Variants in RPS6KA5 observed in about 807,000 individuals in gnomAD.
RPS6KA5 encodes the protein ribosomal protein S6 kinase A5.
In RPS6KA5, 27 loss-of-function variants were observed where a neutral mutation model predicts 85.5. The ratio of observed to expected loss-of-function variants is 0.32; its 90% CI spans 0.23 to 0.44. The LOEUF (loss-of-function observed/expected upper bound fraction) is 0.44. Ranked by LOEUF, RPS6KA5 falls within the 20% of genes least tolerant of loss-of-function variation. RPS6KA5 has a pLI of 1.00. For synonymous variants in RPS6KA5, 334 were observed against 348.2 expected (o/e 0.96, Z 0.46); for missense variants, 811 against 980.9 (o/e 0.83, Z 2.31).
At chr14:91,055,310 C>A (rs2043268062) in intron 1 of RPS6KA5, among the ~76,000 whole-genome samples, 1 of 152,168 alleles carries the variant, frequency 6.6e-6, no homozygotes, top group Non-Finnish European at 1.5e-5. Flanking sequence ...AACATAGGTC[C>A]ACACAAAAAC....
At position 90,870,805 on chromosome 14, in the gene RPS6KA5, C is replaced by CTTTTT. The variant is rs78409439; in HGVS notation, c.*1264_*1268dup. ...ATATAACACACAAACCCTATCACTTCTTTTTTTTTTTTTTTTTTTTTTGCA... is the reference window on the plus strand; with the variant it reads ...ATATAACACACAAACCCTATCACTTCTTTTTTTTTTTTTTTTTTTTTTTTTTTGCA... On this transcript the variant is annotated 3_prime_UTR_variant, in exon 17 of 17. Transcript: ENST00000614987. The CTTTTT allele has an allele frequency of 2.7e-3, 229 of 85,650 alleles. No homozygotes were observed. Among genetic ancestry groups the CTTTTT allele is most frequent in the East Asian group, 4.6e-3 (13 of 2,816 alleles). The allele number at this position is 85,650 out of a possible 1,614,324, so 5.3% of individuals were successfully genotyped here.
At chr14:90,918,304 T>G (rs2036227415) in intron 7 of RPS6KA5, among the ~76,000 whole-genome samples, 1 of 152,202 alleles carries the variant, frequency 6.6e-6, no homozygotes, top group East Asian at 1.9e-4. Flanking sequence ...AGTCTTTTCA[T>G]GTGCTAATTT....
chr14:90,923,274 AG>A (rs1208505010), intron 5 of RPS6KA5, 78 bp from the exon 6 acceptor site: 2 of 1,133,208 alleles, frequency 1.8e-6, no homozygotes, highest in African/African-American at 1.5e-5. Context: ...AATACATGTT[AG>A]TGGTTGAGAT....
intron 1 of RPS6KA5, among the ~76,000 whole-genome samples, chr14:91,021,055 A>G (rs1026376479): frequency 6.6e-6 from 1 of 152,152 alleles, no homozygotes; most frequent in Admixed American, 6.5e-5. Flanking sequence ...TCCACTGTAT[A>G]GGTGGATAAA....
intron 14 of RPS6KA5, among the ~76,000 whole-genome samples, chr14:90,875,611 A>C (rs1319182630): frequency 3.9e-5 from 6 of 152,102 alleles, no homozygotes; most frequent in Non-Finnish European, 8.8e-5. Flanking sequence ...ACGTATGTTT[A>C]TTGCGGCACT....
intron 1 of RPS6KA5, among the ~76,000 whole-genome samples, chr14:91,018,072 A>C (rs1158444720): frequency 1.3e-5 from 2 of 152,190 alleles, no homozygotes; most frequent in Admixed American, 1.3e-4. Flanking sequence ...AGGCAGCAAT[A>C]CTAATGGCCC....
chr14:90,934,018 G>A (rs1315914021), intron 5 of RPS6KA5, among the ~76,000 whole-genome samples: 1 of 152,194 alleles, frequency 6.6e-6, no homozygotes, highest in Non-Finnish European at 1.5e-5. Context: ...ATTTCAAAGT[G>A]TAGCCTCTTC....
At chr14:90,995,033 T>TAGC (rs1275287164) in intron 2 of RPS6KA5, among the ~76,000 whole-genome samples, 1 of 152,116 alleles carries the variant, frequency 6.6e-6, no homozygotes, top group African/African-American at 2.4e-5. Flanking sequence ...CATACTTGCT[T>TAGC]GTGTGTGGTT....
intron 3 of RPS6KA5, among the ~76,000 whole-genome samples, chr14:90,961,037 C>G (rs2038769831): frequency 6.6e-6 from 1 of 152,168 alleles, no homozygotes; most frequent in Admixed American, 6.5e-5. Context: ...GGGCTCCCGA[C>G]AGACAAGAAT....
intron 4 of RPS6KA5, among the ~76,000 whole-genome samples, chr14:90,946,639 A>G (rs867065594): frequency 7.2e-5 from 11 of 152,164 alleles, no homozygotes; most frequent in African/African-American, 2.4e-4. Context: ...CCTGAATATA[A>G]CAGGACAAGG....
At chr14:90,883,179 A>G (rs1259833035) in intron 14 of RPS6KA5, among the ~76,000 whole-genome samples, 1 of 152,118 alleles carries the variant, frequency 6.6e-6, no homozygotes, top group Non-Finnish European at 1.5e-5. Flanking sequence ...CAAAATTGGA[A>G]AGTTTTCCAC....
At chr14:91,017,546 G>C (rs945078433) in intron 1 of RPS6KA5, among the ~76,000 whole-genome samples, 1 of 152,196 alleles carries the variant, frequency 6.6e-6, no homozygotes, top group Non-Finnish European at 1.5e-5. Flanking sequence ...CTCAGGTACA[G>C]CACCAGATGG....
intron 3 of RPS6KA5, among the ~76,000 whole-genome samples, chr14:90,961,953 T>C (rs2038819475): frequency 1.3e-5 from 2 of 152,238 alleles, no homozygotes; most frequent in African/African-American, 4.8e-5. Context: ...GCTACATTCA[T>C]GGTTCTTGCC....
chr14:90,939,276 C>T (rs1164357647), intron 5 of RPS6KA5, among the ~76,000 whole-genome samples: 2 of 152,154 alleles, frequency 1.3e-5, no homozygotes, highest in Non-Finnish European at 2.9e-5. Context: ...TTTCATTGTC[C>T]ATATCATTAT....
chr14:90,861,935 T>C lies in RPS6KA5; in HGVS notation c.*10139A>G, dbSNP rs1223199190. 2 of 147,160 alleles carry C rather than the reference T, an allele frequency of 1.4e-5. No individual in the cohort carries two copies. Among genetic ancestry groups the C allele is most frequent in the Non-Finnish European group, 3.0e-5 (2 of 66,928 alleles). The allele number at this position is 147,160 out of a possible 1,614,324, so 9.1% of individuals were successfully genotyped here. ...AGGGGAAAACAGATTTAAACTGTCA[T>C]AAAATTCCTGCATTGTTGGGAAGTG... On this transcript the variant is annotated 3_prime_UTR_variant, in exon 17 of 17. Coordinates refer to ENST00000614987, the MANE Select transcript of RPS6KA5 (RefSeq NM_004755.4).
chr14:91,052,182 T>C (rs2043108154), intron 1 of RPS6KA5: 1 of 298,750 alleles, frequency 3.3e-6, no homozygotes, highest in Non-Finnish European at 6.4e-6. Context: ...ATGCAGTGGC[T>C]CATGCCTGTA....
intron 1 of RPS6KA5, among the ~76,000 whole-genome samples, chr14:91,035,847 C>CAAAAAAAAAAAAAAAAAAAAA (rs199625173): frequency 2.9e-5 from 2 of 69,904 alleles, no homozygotes; most frequent in African/African-American, 1.3e-4. Flanking sequence ...CCCTCACCTT[C>CAAAAAAAAAAAAAAAAAAAAA]AAAAAAAAAA....
chr14:91,049,056 CTACAAA>C (rs1290848380), intron 1 of RPS6KA5, among the ~76,000 whole-genome samples: 1 of 152,146 alleles, frequency 6.6e-6, no homozygotes, highest in African/African-American at 2.4e-5. Flanking sequence ...CCGCTACAGA[CTACAAA>C]TACAAACTAT....
intron 14 of RPS6KA5, among the ~76,000 whole-genome samples, chr14:90,879,266 T>C (rs1371219952): frequency 6.9e-6 from 1 of 145,334 alleles, no homozygotes; most frequent in Non-Finnish European, 1.5e-5. Context: ...GTAAATAACG[T>C]GCTTACACAC....
Sources: allele counts gnomAD v4.1 joint callset (sites outside exome capture counted in the v4.1 genomes callset), GRCh38; gene constraint gnomAD v4.1.1; transcripts MANE v1.5; gene names NCBI Gene and HGNC (gene_info 2026-07-23, HGNC 2026-07-21).